The following CAPN1 variants were observed in gnomAD, a reference collection of about 807,000 sequenced individuals.
CAPN1 encodes the protein calpain-1 catalytic subunit.
A neutral mutation model predicts 105.2 loss-of-function variants in CAPN1; 77 were observed. That is an observed-to-expected ratio of 0.73 (90% CI 0.61 to 0.88). CAPN1 has a LOEUF of 0.88. Among genes scored for constraint, CAPN1 ranks in the 40% least tolerant of loss-of-function variants. CAPN1 has a pLI of 0.00. For synonymous variants in CAPN1, 355 were observed against 388.8 expected, an observed-to-expected ratio of 0.91 and a Z score of 1.02; for missense variants, 833 against 976.6, an observed-to-expected ratio of 0.85 and a Z score of 1.96.
At position 65,182,816 on chromosome 11, in the gene CAPN1, G is replaced by T; in HGVS notation, c.115G>T (p.Gly39Cys). 2 of 1,592,466 alleles carry T rather than the reference G, an allele frequency of 1.3e-6. No homozygotes were observed. The highest frequency in any genetic ancestry group is 2.3e-5 in the South Asian group (2 of 87,786). ...GRHENAIKYL[G>C]QDYEQLRVRC... Reference sequence around the variant, plus strand: ...CCATGAGAATGCCATCAAGTACCTGGGCCAGGATTATGAGCAGCTGCGGGT... The same window carrying T: ...CCATGAGAATGCCATCAAGTACCTGTGCCAGGATTATGAGCAGCTGCGGGT... The change falls in exon 2 of 22, where the codon GGC becomes TGC. Residue 39 changes from glycine to cysteine, a missense_variant. Transcript: ENST00000279247.
At position 65,210,285 on chromosome 11, in the gene CAPN1, T is replaced by C. The variant is rs1949026061; in HGVS notation, c.1943-51T>C. On this transcript the variant is annotated intron_variant, in intron 19 of 21. Transcript: ENST00000279247. This position sits in a 1 kb window ranked among gnomAD's most constrained non-coding sequence, Gnocchi z 4.3. ...TGGGGACCCAACCCCTCCCCCATCCTGTTGGGCAGGGGCTGCGCCTCACTG... is the reference window on the plus strand; with the variant it reads ...TGGGGACCCAACCCCTCCCCCATCCCGTTGGGCAGGGGCTGCGCCTCACTG... The C allele has an allele frequency of 7.3e-7, 1 of 1,362,770 alleles. No homozygotes were observed. The highest frequency in any genetic ancestry group is 1.4e-5 in the African/African-American group (1 of 69,876). 84.4% of individuals were successfully genotyped at this position (1,362,770 alleles called of 1,614,324 possible). A position where few individuals can be genotyped will look rare whatever the true frequency, so the allele number is the denominator to read the frequency against.
chr11:65,193,066 T>C (rs2089921), intron 10 of CAPN1, among the ~76,000 whole-genome samples: 109,368 of 149,862 alleles, frequency 0.73, 40,802 homozygotes, highest in Middle Eastern at 0.86. Context: ...CTGCAAGCTC[T>C]GCCTCCCGGG....
intron 10 of CAPN1, among the ~76,000 whole-genome samples, chr11:65,201,752 T>TC: frequency 6.6e-6 from 1 of 151,882 alleles, no homozygotes; most frequent in African/African-American, 2.4e-5. Flanking sequence ...TCTCCTGACC[T>TC]CGTGATCCGC....
Position 65,211,606 on chromosome 11 carries a change from C to A in CAPN1, c.*320C>A, listed in dbSNP as rs1347063747. 4.0e-6 allele frequency: 2 copies of A among 494,726 alleles called. No individual in the cohort carries two copies. The highest frequency in any genetic ancestry group is 6.4e-5 in the Admixed American group (2 of 31,310). The allele number at this position is 494,726 out of a possible 1,614,324, so 30.6% of individuals were successfully genotyped here. A position where few individuals can be genotyped will look rare whatever the true frequency, so the allele number is the denominator to read the frequency against. Reference sequence around the variant, plus strand: ...TCCCCAGCATCCTGATGTGTCCCCTCTCCCCACTTCAGAGGCCACCCACTC... The same window carrying A: ...TCCCCAGCATCCTGATGTGTCCCCTATCCCCACTTCAGAGGCCACCCACTC... On this transcript the variant is annotated 3_prime_UTR_variant, in exon 22 of 22. Transcript: ENST00000279247.
Position 65,188,184 on chromosome 11 carries a change from C to T in CAPN1, c.929+144C>T, listed in dbSNP as rs1007909346. ...TCGCGCGACTGGGTCTGGGGGACTGCTCTGACAAAGCTCAGGCCGTGCGGG... is the reference window on the plus strand; with the variant it reads ...TCGCGCGACTGGGTCTGGGGGACTGTTCTGACAAAGCTCAGGCCGTGCGGG... On this transcript the variant is annotated intron_variant, in intron 8 of 21. Transcript: ENST00000279247. This position sits in a 1 kb window ranked among gnomAD's most constrained non-coding sequence, Gnocchi z 5.5. 13 of 714,564 alleles carry T rather than the reference C, an allele frequency of 1.8e-5. No homozygotes were observed. The Admixed American group carries it at 3.4e-4, about 19-fold the overall frequency. The allele number at this position is 714,564 out of a possible 1,614,324, so 44.3% of individuals were successfully genotyped here.
At chr11:65,201,726 G>A (rs1948872480) in intron 10 of CAPN1, among the ~76,000 whole-genome samples, 1 of 151,740 alleles carries the variant, frequency 6.6e-6, no homozygotes, top group Non-Finnish European at 1.5e-5. Flanking sequence ...CACCGTGTTA[G>A]CCAGGATGGT....
chr11:65,190,390 G>A (rs1252147094), intron 10 of CAPN1, among the ~76,000 whole-genome samples: 1 of 152,156 alleles, frequency 6.6e-6, no homozygotes, highest in Non-Finnish European at 1.5e-5. Context: ...TCCTCAGCAC[G>A]GCTCCCTGCC....
chr11:65,197,149 T>C (rs17883327), intron 10 of CAPN1, among the ~76,000 whole-genome samples: 5 of 152,212 alleles, frequency 3.3e-5, no homozygotes, highest in Admixed American at 3.3e-4. Context: ...ATTCTCTGAG[T>C]ACTAGGGGGA....
intron 12 of CAPN1, chr11:65,206,106 G>A: frequency 3.9e-6 from 2 of 509,568 alleles, no homozygotes; most frequent in Non-Finnish European, 7.1e-6. Context: ...GCCTGTGTTT[G>A]TGTCTGTAAA....
Position 65,183,127 on chromosome 11 carries a change from G to A in CAPN1, c.268-1G>A. 6.2e-7 allele frequency: 1 copy of A among 1,613,888 alleles called. No individual in the cohort carries two copies. On this transcript the variant is annotated splice_acceptor_variant, in intron 2 of 21. Coordinates refer to ENST00000279247, the MANE Select transcript of CAPN1 (RefSeq NM_005186.4). LOFTEE classifies it high-confidence loss of function. ...GGAACAGGACTCTGGGTCTCTCGTA[G>A]GAACTGCTGTCAAACCCCCAGTTCA...
chr11:65,209,140 T>C lies in CAPN1; in HGVS notation c.1730-183T>C. On this transcript the variant is annotated intron_variant, in intron 16 of 21. Coordinates refer to ENST00000279247, the MANE Select transcript of CAPN1 (RefSeq NM_005186.4). The surrounding 1 kb of genome is among the most constrained non-coding windows in gnomAD (Gnocchi z 4.1). ...TGTGGCTGTTGGGACTTTGGCTTGATTGCTAAAATACTTTACTTGTACTTC... is the reference window on the plus strand; with the variant it reads ...TGTGGCTGTTGGGACTTTGGCTTGACTGCTAAAATACTTTACTTGTACTTC... 1 of 606,288 alleles carries C rather than the reference T, an allele frequency of 1.6e-6. No homozygotes were observed. The highest frequency in any genetic ancestry group is 3.0e-6 in the Non-Finnish European group (1 of 335,354). The allele number at this position is 606,288 out of a possible 1,614,324, so 37.6% of individuals were successfully genotyped here. A position where few individuals can be genotyped will look rare whatever the true frequency, so the allele number is the denominator to read the frequency against.
At chr11:65,186,520 C>A (rs1446760891) in intron 6 of CAPN1, among the ~76,000 whole-genome samples, 182 bp downstream of exon 6, 1 of 152,076 alleles carries the variant, frequency 6.6e-6, no homozygotes, top group Non-Finnish European at 1.5e-5. Context: ...TCGCTCCTGT[C>A]CTCACCTACC....
chr11:65,190,718 GTT>G (rs1565399127), intron 10 of CAPN1, among the ~76,000 whole-genome samples: 80 of 60,422 alleles, frequency 1.3e-3, no homozygotes, highest in African/African-American at 2.7e-3. Context: ...TTTTGTTTTT[GTT>G]TTTGTTTTTT....
Position 65,188,123 on chromosome 11 carries a change from C to A in CAPN1, c.929+83C>A. 2.0e-6 allele frequency: 2 copies of A among 995,428 alleles called. No individual in the cohort carries two copies. Among genetic ancestry groups the A allele is most frequent in the Non-Finnish European group, 3.0e-6 (2 of 672,284 alleles). 61.7% of individuals were successfully genotyped at this position (995,428 alleles called of 1,614,324 possible). ...ATTTCTGCTCGGGACTCTACCAGGCCAGGCTGGACTCAGGATTGAGCAGAG... is the reference window on the plus strand; with the variant it reads ...ATTTCTGCTCGGGACTCTACCAGGCAAGGCTGGACTCAGGATTGAGCAGAG... On this transcript the variant is annotated intron_variant, in intron 8 of 21. Transcript: ENST00000279247. The surrounding 1 kb of genome is among the most constrained non-coding windows in gnomAD (Gnocchi z 5.5).
chr11:65,200,785 A>G (rs1948857133), intron 10 of CAPN1, among the ~76,000 whole-genome samples: 1 of 151,512 alleles, frequency 6.6e-6, no homozygotes, highest in South Asian at 2.1e-4. Context: ...GACACACACC[A>G]CACGCCCAGC....
In CAPN1 at chr11:65,208,503, G is replaced by C; in HGVS notation, c.1729+241G>C. The stretch of plus-strand genomic sequence containing the variant: ...TGGGATTAGCAGCGCAGCCTGGCCA[G>C]GCACAGTGGCTCACACCTGTAGTCC... On this transcript the variant is annotated intron_variant, in intron 16 of 21. Transcript: ENST00000279247. The surrounding 1 kb of genome is among the most constrained non-coding windows in gnomAD (Gnocchi z 4.1). 1 of 582,288 alleles carries C rather than the reference G, an allele frequency of 1.7e-6. No homozygotes were observed. Among genetic ancestry groups the C allele is most frequent in the Non-Finnish European group, 3.1e-6 (1 of 323,346 alleles). The allele number at this position is 582,288 out of a possible 1,614,324, so 36.1% of individuals were successfully genotyped here.
intron 7 of CAPN1, chr11:65,187,526 G>A: frequency 1.7e-6 from 1 of 579,732 alleles, no homozygotes; most frequent in Non-Finnish European, 3.1e-6. Context: ...AATTCCAAGA[G>A]GACAGGCTTC....
rs891242569 is a variant in CAPN1, at chr11:65,210,684, T to G, written c.2060-130T>G. 3 of 810,616 alleles carry G rather than the reference T, an allele frequency of 3.7e-6. No homozygotes were observed. The highest frequency in any genetic ancestry group is 6.5e-6 in the Non-Finnish European group (3 of 463,690). 50.2% of individuals were successfully genotyped at this position (810,616 alleles called of 1,614,324 possible). On this transcript the variant is annotated intron_variant, in intron 20 of 21. Coordinates refer to ENST00000279247, the MANE Select transcript of CAPN1 (RefSeq NM_005186.4). The surrounding 1 kb of genome is among the most constrained non-coding windows in gnomAD (Gnocchi z 4.3). The stretch of plus-strand genomic sequence containing the variant: ...GCAGGAAGGGGTGAAGCTTCCCAGC[T>G]TCAAGGGGTGTCAGCTTGCGGTACT...
intron 4 of CAPN1, 169 bp downstream of exon 4, chr11:65,183,761 G>A: frequency 1.7e-6 from 1 of 587,584 alleles, no homozygotes. Context: ...TGACTGGGCT[G>A]GGCAGGTATT....
Sources: allele counts gnomAD v4.1 joint callset (sites outside exome capture counted in the v4.1 genomes callset), GRCh38; gene constraint gnomAD v4.1.1; non-coding constraint Gnocchi (gnomAD v3.1); transcripts MANE v1.5; gene names NCBI Gene and HGNC (gene_info 2026-07-23, HGNC 2026-07-21).